The following DDX31 variants were observed in gnomAD, a reference collection of about 807,000 sequenced individuals.
DDX31 encodes ATP-dependent DNA helicase DDX31.
In DDX31, 70 loss-of-function variants were observed where a neutral mutation model predicts 91.3. The observed-to-expected ratio is 0.77, with a 90% CI of 0.63 to 0.94. DDX31 has a LOEUF of 0.94. Among genes scored for constraint, DDX31 ranks in the 40% least tolerant of loss-of-function variants. The pLI, the probability that DDX31 is intolerant of heterozygous loss-of-function variation, is 0.00. For synonymous variants in DDX31, 362 were observed against 350.6 expected (o/e 1.03, Z -0.36); for missense variants, 902 against 925.0 (o/e 0.98, Z 0.32).
At chr9:132,623,242 G>A (rs1832155018) in intron 17 of DDX31, among the ~76,000 whole-genome samples, 2 of 151,756 alleles carry the variant, frequency 1.3e-5, no homozygotes, top group African/African-American at 4.8e-5. Context: ...AACTTTACGT[G>A]CGAAGAAACT....
chr9:132,628,545 T>C (rs1386977242), intron 16 of DDX31, among the ~76,000 whole-genome samples: 1 of 152,234 alleles, frequency 6.6e-6, no homozygotes, highest in African/African-American at 2.4e-5. Context: ...TAGCTTTATA[T>C]CTGAGCCCTT....
At chr9:132,605,920 C>T (rs879016090) in intron 19 of DDX31, among the ~76,000 whole-genome samples, 1 of 151,650 alleles carries the variant, frequency 6.6e-6, no homozygotes, top group Non-Finnish European at 1.5e-5. Context: ...TAGCTGACTG[C>T]GGTGCCGTGG....
At chr9:132,597,917 G>A (rs1405302258) in intron 19 of DDX31, among the ~76,000 whole-genome samples, 2 of 152,202 alleles carry the variant, frequency 1.3e-5, no homozygotes, top group Non-Finnish European at 1.5e-5. Context: ...GACGCCGTTC[G>A]AAAGCACCTT....
chr9:132,596,260 A>C (rs1830427762), intron 19 of DDX31, among the ~76,000 whole-genome samples: 1 of 152,258 alleles, frequency 6.6e-6, no homozygotes, highest in African/African-American at 2.4e-5. Flanking sequence ...TGTGTTGTTA[A>C]CCTGACTGTG....
At chr9:132,600,509 G>A (rs1564273110) in intron 19 of DDX31, among the ~76,000 whole-genome samples, 1 of 152,166 alleles carries the variant, frequency 6.6e-6, no homozygotes, top group East Asian at 1.9e-4. Context: ...CCAAGGACAG[G>A]CACAGTGGCA....
At chr9:132,652,627 C>T (rs1385531262) in intron 6 of DDX31, 135 bp from the exon 7 acceptor site, 2 of 1,142,936 alleles carry the variant, frequency 1.7e-6, no homozygotes, top group African/African-American at 1.5e-5. Flanking sequence ...TAAGGTTGCC[C>T]ACTGATGTGG....
chr9:132,626,392 G>A (rs1324563965), intron 16 of DDX31, among the ~76,000 whole-genome samples: 2 of 152,214 alleles, frequency 1.3e-5, no homozygotes, highest in Non-Finnish European at 2.9e-5. Flanking sequence ...GAAGCCACAA[G>A]GAGCCAGAAC....
chr9:132,614,582 C>A (rs1409630986), intron 18 of DDX31, among the ~76,000 whole-genome samples: 2 of 152,164 alleles, frequency 1.3e-5, no homozygotes, highest in Non-Finnish European at 2.9e-5. Context: ...TTACCCAAAT[C>A]CCGCTCTAGG....
intron 14 of DDX31, chr9:132,638,032 G>A (rs1275769011): frequency 1.7e-6 from 2 of 1,163,844 alleles, no homozygotes; most frequent in East Asian, 4.9e-5. Context: ...AAAATACGGA[G>A]AAGGTGGAGG....
intron 13 of DDX31, among the ~76,000 whole-genome samples, chr9:132,644,951 T>G (rs1390010374): frequency 6.6e-6 from 1 of 152,190 alleles, no homozygotes; most frequent in African/African-American, 2.4e-5. Flanking sequence ...TCTATTTACT[T>G]AATTATTAAA....
intron 1 of DDX31, chr9:132,663,556 C>G (rs1398169735): frequency 2.0e-6 from 2 of 981,842 alleles, no homozygotes; most frequent in African/African-American, 3.5e-5. Flanking sequence ...CTTTGGCCTT[C>G]TTTTCTGATT....
intron 16 of DDX31, among the ~76,000 whole-genome samples, chr9:132,627,110 A>G (rs1781349793): frequency 6.6e-6 from 1 of 152,138 alleles, no homozygotes; most frequent in South Asian, 2.1e-4. Context: ...TTTTCTTGAG[A>G]AAAAAAGAGG....
intron 6 of DDX31, chr9:132,658,136 C>T (rs1051263495): frequency 6.8e-6 from 4 of 586,438 alleles, no homozygotes; most frequent in African/African-American, 1.9e-5. Context: ...AAAGGTCCCA[C>T]GTTAGGTACT....
At chr9:132,601,683 G>C (rs1054596527) in intron 19 of DDX31, among the ~76,000 whole-genome samples, 1 of 152,212 alleles carries the variant, frequency 6.6e-6, no homozygotes, top group Admixed American at 6.5e-5. Context: ...GATAGGATGG[G>C]TGGAGCCGAG....
intron 12 of DDX31, 48 bp downstream of exon 12, chr9:132,646,775 G>T: frequency 1.3e-6 from 2 of 1,580,632 alleles, no homozygotes; most frequent in Non-Finnish European, 1.7e-6. Flanking sequence ...ACACAAGAAA[G>T]CAGGCCTTTC....
At chr9:132,662,032 C>A (rs1834989056) in intron 3 of DDX31, among the ~76,000 whole-genome samples, 1 of 151,772 alleles carries the variant, frequency 6.6e-6, no homozygotes, top group African/African-American at 2.4e-5. Flanking sequence ...CACAAAAACA[C>A]AAAAAAACAG....
intron 18 of DDX31, among the ~76,000 whole-genome samples, chr9:132,617,842 A>G (rs1157891174): frequency 6.6e-6 from 1 of 152,180 alleles, no homozygotes; most frequent in Non-Finnish European, 1.5e-5. Flanking sequence ...TCTCTTTCAT[A>G]AATTTCCTAG....
At chr9:132,612,051 C>G in intron 19 of DDX31, 36 bp downstream of exon 19, 1 of 1,601,010 alleles carries the variant, frequency 6.2e-7, no homozygotes, top group Non-Finnish European at 8.5e-7. Context: ...ACGGAGCTCT[C>G]TAGCCCCGTC....
At chr9:132,618,104 T>C (rs1195010071) in intron 18 of DDX31, among the ~76,000 whole-genome samples, 2 of 152,238 alleles carry the variant, frequency 1.3e-5, no homozygotes, top group African/African-American at 4.8e-5. Context: ...AGATAAAGCC[T>C]CATTTGTGCA....
Sources: gnomAD v4.1 joint callset for allele counts (sites outside exome capture counted in the v4.1 genomes callset) on GRCh38, gnomAD v4.1.1 for gene constraint, MANE v1.5 for transcripts, NCBI Gene and HGNC (gene_info 2026-07-23, HGNC 2026-07-21) for gene names.